Variants in POLR2B observed in about 807,000 individuals in gnomAD.
The protein encoded by POLR2B is RNA polymerase II subunit B.
In POLR2B, 57 loss-of-function variants were observed where a neutral mutation model predicts 144.6. That is an observed-to-expected ratio of 0.39 (90% confidence interval 0.32 to 0.49). The LOEUF is 0.49. Among genes scored for constraint, POLR2B ranks in the 20% least tolerant of loss-of-function variants. POLR2B has a pLI of 0.83. For missense variants in POLR2B, 595 were observed against 1,467.4 expected (o/e 0.41, Z 9.71); for synonymous variants, 442 against 469.8 (o/e 0.94, Z 0.77).
At position 56,994,839 on chromosome 4, in the gene POLR2B, C is replaced by T. The variant is rs1722628005; in HGVS notation, c.549C>T (p.Gly183=). 3 of 1,601,356 alleles carry T rather than the reference C, an allele frequency of 1.9e-6. No homozygotes were observed. The highest frequency in any genetic ancestry group is 1.7e-6 in the Non-Finnish European group (2 of 1,172,210). Reference sequence around the variant, plus strand: ...ATGAATGCCCTTTGGATCCTGGTGGCTATTTCATTATTAATGGATCAGAAA... The same window carrying T: ...ATGAATGCCCTTTGGATCCTGGTGGTTATTTCATTATTAATGGATCAGAAA... ...ELNECPLDPG[G]YFIINGSEKV... Residue 183 remains glycine (G), a synonymous_variant, in exon 5 of 25, where the codon GGC becomes GGT. Coordinates refer to ENST00000314595, the MANE Select transcript of POLR2B (RefSeq NM_000938.3).
chr4:57,026,656 G>A (rs1161232457), intron 23 of POLR2B, among the ~76,000 whole-genome samples: 2 of 151,908 alleles, frequency 1.3e-5, no homozygotes, highest in Non-Finnish European at 2.9e-5. Flanking sequence ...CCAGCTACTC[G>A]GGAGCCTGAG....
chr4:57,011,635 C>G (rs1723191124), intron 13 of POLR2B, among the ~76,000 whole-genome samples: 1 of 152,098 alleles, frequency 6.6e-6, no homozygotes, highest in African/African-American at 2.4e-5. Flanking sequence ...CCATCCTGGC[C>G]AACATGGTGA....
At chr4:56,986,706 A>G (rs956907445) in intron 2 of POLR2B, 6 of 220,160 alleles carry the variant, frequency 2.7e-5, no homozygotes, top group Middle Eastern at 1.6e-3. Context: ...TAACTTGCAG[A>G]TCATTTGACC....
chr4:56,979,530 C>G (rs1722087422), intron 1 of POLR2B, among the ~76,000 whole-genome samples: 2 of 152,126 alleles, frequency 1.3e-5, no homozygotes, highest in African/African-American at 4.8e-5. Context: ...TAAAGGATGA[C>G]TTTTAACTTC....
At chr4:57,007,032 A>G in intron 10 of POLR2B, 30 bp downstream of exon 10, 1 of 1,437,714 alleles carries the variant, frequency 7.0e-7, no homozygotes, top group Non-Finnish European at 9.7e-7. Flanking sequence ...CTACAGGCTC[A>G]ATAGGAAACA....
intron 5 of POLR2B, 22 bp downstream of exon 5, chr4:56,994,888 A>T: frequency 7.6e-7 from 1 of 1,319,836 alleles, no homozygotes; most frequent in Non-Finnish European, 1.1e-6. Context: ...TTATTTTAAA[A>T]AATTACAAAA....
At chr4:56,991,780 C>CT (rs1722514406) in intron 3 of POLR2B, among the ~76,000 whole-genome samples, 1 of 151,804 alleles carries the variant, frequency 6.6e-6, no homozygotes, top group Non-Finnish European at 1.5e-5. Context: ...TCATTTTTTT[C>CT]TTTTTTACAG....
chr4:56,990,255 T>C (rs1343466491), intron 2 of POLR2B, among the ~76,000 whole-genome samples: 1 of 151,710 alleles, frequency 6.6e-6, no homozygotes, highest in African/African-American at 2.4e-5. Flanking sequence ...TGAGATAGGG[T>C]TTCGCTGTCT....
At chr4:57,014,781 G>GC (rs1723315081) in intron 13 of POLR2B, among the ~76,000 whole-genome samples, 1 of 152,106 alleles carries the variant, frequency 6.6e-6, no homozygotes, top group East Asian at 1.9e-4. Context: ...GGGATTACAG[G>GC]CTTGAGCCAC....
chr4:56,994,408 GAT>G lies in POLR2B; in HGVS notation c.251_252del (p.Tyr84PhefsTer5). ...TGTTTTTTTGTTTAATTTCAGCCAC[GAT>G]ATTTGCTGAAGTTTGAACAAATTTA... On this transcript the variant is annotated frameshift_variant, in exon 4 of 25. Transcript: ENST00000314595. LOFTEE classifies it high-confidence loss of function. The G allele has an allele frequency of 6.5e-7, 1 of 1,546,310 alleles. No homozygotes were observed. The highest frequency in any genetic ancestry group is 1.1e-5 in the South Asian group (1 of 87,830).
intron 2 of POLR2B, among the ~76,000 whole-genome samples, chr4:56,989,576 AG>A (rs753497268): frequency 1.4e-4 from 21 of 152,224 alleles, no homozygotes; most frequent in Non-Finnish European, 2.8e-4. Context: ...GCTGATGATT[AG>A]TTGGACTCTG....
Position 57,025,497 on chromosome 4 carries a change from A to G in POLR2B, c.3199A>G (p.Ile1067Val), listed in dbSNP as rs1197870316. The G allele has an allele frequency of 6.2e-7, 1 of 1,609,690 alleles. No homozygotes were observed. The highest frequency in any genetic ancestry group is 2.2e-5 in the East Asian group (1 of 44,856). The change falls in exon 23 of 25, where the codon ATT (isoleucine) becomes GTT (valine). Residue 1067 changes from isoleucine to valine, a missense_variant. Ile to Val is a conservative substitution (Grantham distance 29). Coordinates refer to ENST00000314595, the MANE Select transcript of POLR2B (RefSeq NM_000938.3). ...DKIHSRARGP[I>V]QILNRQPMEG... The stretch of plus-strand genomic sequence containing the variant: ...GATTCACTCTCGTGCTAGGGGACCT[A>G]TTCAGATCCTCAATAGACAGCCCAT...
intron 1 of POLR2B, among the ~76,000 whole-genome samples, chr4:56,985,629 T>A (rs966100724): frequency 3.9e-5 from 6 of 152,216 alleles, no homozygotes; most frequent in Non-Finnish European, 8.8e-5. Context: ...CTCGAACTCC[T>A]GACCTCAGGT....
At position 57,020,876 on chromosome 4, in the gene POLR2B, G is replaced by A. The variant is rs768481852; in HGVS notation, c.2324-23G>A. ...TCTGTTTTCCAGGTGATGTTTTAAT[G>A]TATGCTCTTAAATTCACTGCAGGCA... On this transcript the variant is annotated intron_variant, in intron 16 of 24. Transcript: ENST00000314595. 20 of 1,277,872 alleles carry A rather than the reference G, an allele frequency of 1.6e-5. No homozygotes were observed. In the East Asian group the frequency reaches 3.7e-4, roughly 24 times the overall value. The allele number at this position is 1,277,872 out of a possible 1,614,324, so 79.2% of individuals were successfully genotyped here.
chr4:56,985,301 C>G, intron 1 of POLR2B: 4 of 985,030 alleles, frequency 4.1e-6, no homozygotes, highest in Non-Finnish European at 4.8e-6. Context: ...GTGGCGCGAT[C>G]TCAGCTCCTG....
At chr4:57,003,848 TA>T (rs796209267) in intron 7 of POLR2B, among the ~76,000 whole-genome samples, 81 of 143,670 alleles carry the variant, frequency 5.6e-4, no homozygotes, top group Middle Eastern at 3.7e-3. Flanking sequence ...CTGTGTCTCT[TA>T]AAAAAAAAAA....
chr4:57,024,200 G>A (rs908772755), intron 21 of POLR2B, 88 bp downstream of exon 21: 2 of 667,832 alleles, frequency 3.0e-6, no homozygotes, highest in African/African-American at 1.9e-5. Flanking sequence ...TTGAGCCAGG[G>A]TACTTTGTAA....
At chr4:56,985,296 G>T in intron 1 of POLR2B, 6 of 983,412 alleles carry the variant, frequency 6.1e-6, no homozygotes, top group Non-Finnish European at 7.2e-6. Context: ...GTGCAGTGGC[G>T]CGATCTCAGC....
At chr4:56,990,061 AG>A (rs1722465337) in intron 2 of POLR2B, among the ~76,000 whole-genome samples, 1 of 152,184 alleles carries the variant, frequency 6.6e-6, no homozygotes, top group Non-Finnish European at 1.5e-5. Context: ...TATAACCTAA[AG>A]TTGGCATTCT....
Sources: allele counts gnomAD v4.1 joint callset (sites outside exome capture counted in the v4.1 genomes callset), GRCh38; gene constraint gnomAD v4.1.1; transcripts MANE v1.5; gene names NCBI Gene and HGNC (gene_info 2026-07-23, HGNC 2026-07-21).